PPEF1: variants seen among roughly 807,000 people sequenced by gnomAD.
PPEF1 encodes protein phosphatase with EF-hand domain 1.
Under a neutral mutation model 53.3 loss-of-function variants are expected in PPEF1, and 12 were observed. The observed-to-expected ratio is 0.23, with a 90% confidence interval of 0.14 to 0.36. PPEF1 has a LOEUF of 0.36. Ranked by LOEUF, PPEF1 falls within the 10% of genes least tolerant of loss-of-function variation. PPEF1 has a pLI of 1.00. For synonymous variants in PPEF1, 165 were observed against 176.7 expected, an observed-to-expected ratio of 0.93 and a Z score of 0.52; for missense variants, 334 against 490.4, an observed-to-expected ratio of 0.68 and a Z score of 3.01.
Position 18,783,976 on chromosome X carries a change from A to C in PPEF1, c.840A>C (p.Glu280Asp). ...CAATCGGTACAATCGTTGACAATGA[A>C]ATCCTGGTCATCCATGGTGGGATAT... ...WLPIGTIVDN[E>D]ILVIHGGISE... Residue 280 changes from glutamate (E) to aspartate (D), a missense_variant, in exon 9 of 16, where the codon GAA (glutamate) becomes GAC (aspartate). Glu to Asp is a conservative substitution (Grantham distance 45). Transcript: ENST00000470157. The C allele has an allele frequency of 8.3e-7, 1 of 1,208,593 alleles. No homozygotes were observed. Among genetic ancestry groups the C allele is most frequent in the Non-Finnish European group, 1.1e-6 (1 of 892,819 alleles).
At chrX:18,744,186 C>T (rs750269163) in intron 3 of PPEF1, among the ~76,000 whole-genome samples, 63 of 112,215 alleles carry the variant, frequency 5.6e-4, no homozygotes, top group African/African-American at 1.6e-3. Flanking sequence ...CCATTGCGCC[C>T]GGCCTAAATA....
At chrX:18,739,918 G>C (rs1337651879) in intron 3 of PPEF1, among the ~76,000 whole-genome samples, 1 of 112,456 alleles carries the variant, frequency 8.9e-6, no homozygotes, top group African/African-American at 3.2e-5. Flanking sequence ...CTCCGTGGGC[G>C]TGGGACCCTC....
At chrX:18,754,768 T>C (rs2045513219) in intron 4 of PPEF1, among the ~76,000 whole-genome samples, 1 of 111,496 alleles carries the variant, frequency 9.0e-6, no homozygotes, top group Non-Finnish European at 1.9e-5. Context: ...CAGTTAATTT[T>C]TTATTAGCTT....
intron 6 of PPEF1, among the ~76,000 whole-genome samples, chrX:18,767,200 A>T (rs1159039251): frequency 1.8e-5 from 2 of 111,140 alleles, no homozygotes; most frequent in Non-Finnish European, 3.8e-5. Context: ...GGATGTTTAG[A>T]CTGATGAGCC....
At chrX:18,817,972 G>A in intron 12 of PPEF1, 67 bp from the exon 13 acceptor site, 2 of 815,873 alleles carry the variant, frequency 2.5e-6, no homozygotes, top group South Asian at 5.3e-5. Context: ...TAGTAATATT[G>A]CACATTAAAA....
At chrX:18,750,171 G>T (rs1474065080) in intron 4 of PPEF1, among the ~76,000 whole-genome samples, 2 of 111,810 alleles carry the variant, frequency 1.8e-5, no homozygotes, top group Non-Finnish European at 3.8e-5. Context: ...CATTTTCTGA[G>T]ATATCATTCA....
chrX:18,756,067 G>A (rs1040877876), intron 4 of PPEF1, among the ~76,000 whole-genome samples: 1 of 111,346 alleles, frequency 9.0e-6, no homozygotes, highest in African/African-American at 3.3e-5. Context: ...TCTAGGGGTA[G>A]GGATTAGGGG....
At chrX:18,786,668 A>G (rs1166617156) in intron 9 of PPEF1, among the ~76,000 whole-genome samples, 1 of 107,810 alleles carries the variant, frequency 9.3e-6, no homozygotes, top group Non-Finnish European at 1.9e-5. Context: ...CTGTAATCCC[A>G]GCTACTTGGG....
chrX:18,811,344 C>T (rs893484912), intron 12 of PPEF1, among the ~76,000 whole-genome samples: 6 of 110,684 alleles, frequency 5.4e-5, no homozygotes, highest in African/African-American at 6.6e-5. Flanking sequence ...TGAGCCACCG[C>T]GCCCAGCTTG....
upstream of PPEF1, among the ~76,000 whole-genome samples, chrX:18,704,572 A>G (rs981449225): frequency 2.7e-5 from 3 of 111,517 alleles, no homozygotes; most frequent in East Asian, 8.5e-4. Flanking sequence ...TGAGAAAAGA[A>G]TATATGCTAG....
chrX:18,770,894 G>C (rs1385464788), intron 6 of PPEF1, among the ~76,000 whole-genome samples: 2 of 112,572 alleles, frequency 1.8e-5, no homozygotes, highest in Non-Finnish European at 3.8e-5. Context: ...AAATGAGTTG[G>C]AGAGATTTTC....
At chrX:18,785,612 G>A (rs1035562473) in intron 9 of PPEF1, among the ~76,000 whole-genome samples, 3 of 110,580 alleles carry the variant, frequency 2.7e-5, no homozygotes, top group African/African-American at 9.9e-5. Flanking sequence ...GCCAGGCATG[G>A]TAGCTCACCC....
chrX:18,684,085 T>C (rs1420279116), intron 1 of PPEF1, among the ~76,000 whole-genome samples: 1 of 112,285 alleles, frequency 8.9e-6, no homozygotes, highest in African/African-American at 3.2e-5. Flanking sequence ...GTCCCCCAGC[T>C]ACCAAGGGCT....
intron 3 of PPEF1, among the ~76,000 whole-genome samples, chrX:18,737,708 A>C (rs1279029229): frequency 9.0e-6 from 1 of 110,686 alleles, no homozygotes; most frequent in Non-Finnish European, 1.9e-5. Context: ...GATCTGTCTA[A>C]TGTTGACAGT....
At chrX:18,775,600 GTTC>G (rs770311364) in intron 6 of PPEF1, among the ~76,000 whole-genome samples, 13 of 112,307 alleles carry the variant, frequency 1.2e-4, no homozygotes, top group Admixed American at 1.9e-4. Flanking sequence ...TTTCTTGTAT[GTTC>G]TTCTTATTAC....
intron 10 of PPEF1, among the ~76,000 whole-genome samples, chrX:18,797,586 A>G (rs996867527): frequency 2.7e-5 from 3 of 112,266 alleles, no homozygotes; most frequent in African/African-American, 9.7e-5. Flanking sequence ...GGAAATGTCA[A>G]TGACCAAATA....
intron 12 of PPEF1, among the ~76,000 whole-genome samples, chrX:18,807,723 G>A (rs1023175681): frequency 9.0e-6 from 1 of 111,167 alleles, no homozygotes; most frequent in Non-Finnish European, 1.9e-5. Flanking sequence ...GCAGTGGCAC[G>A]ATCTTGGCTC....
intron 3 of PPEF1, among the ~76,000 whole-genome samples, chrX:18,745,908 G>T (rs1278086788): frequency 8.9e-6 from 1 of 111,945 alleles, no homozygotes; most frequent in East Asian, 2.8e-4. Context: ...TAGTTCAATT[G>T]TTGCTTTTCT....
At chrX:18,739,772 A>G (rs775402060) in intron 3 of PPEF1, among the ~76,000 whole-genome samples, 1 of 112,394 alleles carries the variant, frequency 8.9e-6, no homozygotes, top group Non-Finnish European at 1.9e-5. Flanking sequence ...TTGAGCTGCA[A>G]TGGGCTCCAC....
Sources: allele counts gnomAD v4.1 joint callset (sites outside exome capture counted in the v4.1 genomes callset), GRCh38; gene constraint gnomAD v4.1.1; transcripts MANE v1.5; gene names NCBI Gene and HGNC (gene_info 2026-07-23, HGNC 2026-07-21).